The following MAP4 variants were observed in gnomAD, a reference collection of about 807,000 sequenced individuals.
MAP4 encodes the protein microtubule-associated protein 4.
In MAP4, 76 loss-of-function variants were observed where a neutral mutation model predicts 170.2. The ratio of observed to expected loss-of-function variants is 0.45; its 90% CI spans 0.37 to 0.54. The LOEUF is 0.54. Among genes scored for constraint, MAP4 ranks in the 20% least tolerant of loss-of-function variants. The pLI, the probability that MAP4 is intolerant of heterozygous loss-of-function variation, is 0.00. For synonymous variants in MAP4, 909 were observed against 994.5 expected (o/e 0.91, Z 1.62); for missense variants, 2,506 against 2,748.0 (o/e 0.91, Z 1.97).
At chr3:48,057,610 A>AAATAAAT (rs1559874148) in intron 1 of MAP4, among the ~76,000 whole-genome samples, 4 of 127,148 alleles carry the variant, frequency 3.1e-5, no homozygotes, top group African/African-American at 1.1e-4. Context: ...TATCAATAAA[A>AAATAAAT]AAATAAATAA....
In MAP4 at chr3:47,910,278, C is replaced by T. The variant is rs757960631; in HGVS notation, c.4143G>A (p.Leu1381=). Reference sequence around the variant, plus strand: ...TTTTTGTTGCATCTATCTTATTCTCCAGAATGTGCTTCTCAGGAGAACTAT... The same window carrying T: ...TTTTTGTTGCATCTATCTTATTCTCTAGAATGTGCTTCTCAGGAGAACTAT... The part of the protein sequence containing the change: ...VKNSSPEKHI[L]ENKIDATKIH... The change falls in exon 9 of 21, where the codon CTG becomes CTA. Residue 1381 remains leucine, a synonymous_variant. Transcript: ENST00000683076. 1.4e-5 allele frequency: 23 copies of T among 1,601,270 alleles called. No individual in the cohort carries two copies. The Admixed American group carries it at 3.9e-4, about 27-fold the overall frequency.
intron 2 of MAP4, among the ~76,000 whole-genome samples, chr3:47,995,732 A>G (rs997264595): frequency 2.0e-5 from 3 of 152,174 alleles, no homozygotes; most frequent in Non-Finnish European, 2.9e-5. Flanking sequence ...AGAAACAGCC[A>G]TATCAACTAC....
chr3:48,031,336 G>T (rs1368107300), intron 1 of MAP4, among the ~76,000 whole-genome samples: 1 of 152,202 alleles, frequency 6.6e-6, no homozygotes, highest in Non-Finnish European at 1.5e-5. Context: ...GGGATCTCAA[G>T]GTCAGGAGAT....
intron 1 of MAP4, among the ~76,000 whole-genome samples, chr3:48,033,922 T>C (rs921748479): frequency 1.3e-5 from 2 of 152,176 alleles, no homozygotes; most frequent in African/African-American, 2.4e-5. Context: ...TAATTAAAGA[T>C]GCACTAATCC....
rs146775562 is a variant in MAP4, at chr3:47,865,891, C to T, written c.6501+1355G>A. ...CACAGGGTGTTCTTCACACACTCGA[C>T]GATAGTAAGACTTCGCCCTGTCTCT... is the stretch of plus-strand genomic sequence containing the variant. On this transcript the variant is annotated intron_variant, in intron 17 of 20. Transcript: ENST00000683076. 1.1e-4 allele frequency among the ~76,000 whole-genome samples: 16 copies of T among 152,290 alleles called. No individual in the cohort carries two copies. In the South Asian group the frequency reaches 1.5e-3, roughly 14 times the overall value.
chr3:47,904,080 G>A (rs1045963651), intron 9 of MAP4, among the ~76,000 whole-genome samples: 7 of 151,990 alleles, frequency 4.6e-5, no homozygotes, highest in Non-Finnish European at 1.0e-4. Context: ...TGAAACTTCC[G>A]GAAGCTTCTG....
chr3:47,923,376 G>A (rs2100044076), intron 4 of MAP4, among the ~76,000 whole-genome samples: 1 of 151,172 alleles, frequency 6.6e-6, no homozygotes, highest in Non-Finnish European at 1.5e-5. Flanking sequence ...CGGGAAGTGT[G>A]AACAAGCAGA....
intron 8 of MAP4, among the ~76,000 whole-genome samples, chr3:47,914,298 C>G (rs890728008): frequency 1.1e-4 from 17 of 152,132 alleles, no homozygotes; most frequent in African/African-American, 4.1e-4. Context: ...TCGCTCACGC[C>G]TGTAATCCCA....
At chr3:48,055,511 T>C (rs1396570647) in intron 1 of MAP4, among the ~76,000 whole-genome samples, 24 of 146,812 alleles carry the variant, frequency 1.6e-4, no homozygotes, top group Admixed American at 5.4e-4. Context: ...CAGTGCTCAA[T>C]GGTGCCCAGG....
chr3:47,956,649 G>A (rs2100068000), intron 3 of MAP4, among the ~76,000 whole-genome samples: 1 of 152,188 alleles, frequency 6.6e-6, no homozygotes, highest in Admixed American at 6.5e-5. Context: ...CTCAGAACAG[G>A]CACAGACTGT....
At chr3:47,871,131 C>T in intron 14 of MAP4, 26 bp from the exon 15 acceptor site, 1 of 1,609,254 alleles carries the variant, frequency 6.2e-7, no homozygotes, top group South Asian at 1.1e-5. Context: ...TGAGAGATAA[C>T]ACGGGTTCAG....
At chr3:48,076,502 A>T (rs2100143982) in intron 1 of MAP4, among the ~76,000 whole-genome samples, 1 of 134,628 alleles carries the variant, frequency 7.4e-6, no homozygotes, top group Admixed American at 7.5e-5. Flanking sequence ...ACTACATCTT[A>T]AAAAAAAAAA....
intron 1 of MAP4, among the ~76,000 whole-genome samples, chr3:48,066,356 G>A (rs916279927): frequency 1.3e-5 from 2 of 152,032 alleles, no homozygotes; most frequent in Non-Finnish European, 2.9e-5. Context: ...TCTACTTGAT[G>A]GTCCTTGTTC....
At chr3:47,992,128 T>C (rs951412492) in intron 2 of MAP4, among the ~76,000 whole-genome samples, 1 of 152,118 alleles carries the variant, frequency 6.6e-6, no homozygotes, top group Non-Finnish European at 1.5e-5. Flanking sequence ...CAGAAGAACA[T>C]CTTGTTTAGA....
At position 47,911,898 on chromosome 3, in the gene MAP4, T is replaced by C. The variant is rs775326095; in HGVS notation, c.2523A>G (p.Ala841=). The change falls in exon 9 of 21, where the codon GCA becomes GCG. Residue 841 remains alanine (A), a synonymous_variant. Coordinates refer to ENST00000683076, the MANE Select transcript of MAP4 (RefSeq NM_001385682.1). This position sits in a 1 kb window ranked among gnomAD's most constrained non-coding sequence, Gnocchi z 4.0. ...CAAAGTTCTCAGCTACCAGTCTGGC[T>C]GCACTGGAGTTAACTAAACATTCCC... ...LKRECLVNSS[A]ARLVAENFVS... is the part of the protein sequence containing the mutation. 9.1e-6 allele frequency: 14 copies of C among 1,536,130 alleles called. No homozygotes were observed. Among genetic ancestry groups the C allele is most frequent in the Non-Finnish European group, 1.2e-5 (14 of 1,146,884 alleles).
chr3:47,978,264 T>C (rs186781309), intron 2 of MAP4, among the ~76,000 whole-genome samples: 1 of 152,278 alleles, frequency 6.6e-6, no homozygotes, highest in Non-Finnish European at 1.5e-5. Context: ...AGGTTTGGTA[T>C]CAGCAATTCA....
chr3:47,901,725 G>T (rs1375025797), intron 10 of MAP4, among the ~76,000 whole-genome samples: 1 of 150,970 alleles, frequency 6.6e-6, no homozygotes, highest in Non-Finnish European at 1.5e-5. Flanking sequence ...ATATCTTAAA[G>T]AAATAACTAT....
intron 3 of MAP4, among the ~76,000 whole-genome samples, chr3:47,964,100 C>T (rs1455258445): frequency 6.6e-6 from 1 of 152,116 alleles, no homozygotes; most frequent in Non-Finnish European, 1.5e-5. Flanking sequence ...AAGATGACAA[C>T]GACATCATAG....
rs987674686 is a variant in MAP4, at chr3:47,911,848, A to G, written c.2573T>C (p.Leu858Ser). 1 of 1,536,118 alleles carries G rather than the reference A, an allele frequency of 6.5e-7. No individual in the cohort carries two copies. Among genetic ancestry groups the G allele is most frequent in the African/African-American group, 1.4e-5 (1 of 73,166 alleles). ...TTTGGGGGCTTCTTCAGAAGGATAT[A>G]AAGGAATTCTGAGACTCTCTGAGAC... is the stretch of plus-strand genomic sequence containing the variant. Reference protein sequence around the residue: ...NFVSESLRIPLYPSEEAPKTA... With the variant: ...NFVSESLRIPSYPSEEAPKTA... The change falls in exon 9 of 21, where the codon TTA (leucine) becomes TCA (serine). Residue 858 changes from leucine to serine, a missense_variant. Coordinates refer to ENST00000683076, the MANE Select transcript of MAP4 (RefSeq NM_001385682.1). This position sits in a 1 kb window ranked among gnomAD's most constrained non-coding sequence, Gnocchi z 4.0.
Sources: gnomAD v4.1 joint callset for allele counts (sites outside exome capture counted in the v4.1 genomes callset) on GRCh38, gnomAD v4.1.1 for gene constraint, Gnocchi (gnomAD v3.1) non-coding constraint, MANE v1.5 for transcripts, NCBI Gene and HGNC (gene_info 2026-07-23, HGNC 2026-07-21) for gene names.